Variants in FRMD4A observed in about 807,000 individuals in gnomAD.
The protein encoded by FRMD4A is FERM domain-containing protein 4A.
A neutral mutation model predicts 129.1 loss-of-function variants in FRMD4A; 29 were observed. The observed-to-expected ratio is 0.22, with a 90% CI of 0.17 to 0.31. FRMD4A has a LOEUF of 0.31. Ranked by LOEUF, FRMD4A falls within the 10% of genes least tolerant of loss-of-function variation. The probability of loss-of-function intolerance (pLI) is 1.00; values close to 1 mark genes in which losing one functional copy is unlikely to be tolerated. For synonymous variants in FRMD4A, 634 were observed against 571.6 expected (o/e 1.11, Z -1.56); for missense variants, 1,272 against 1,375.8 (o/e 0.92, Z 1.19).
intron 2 of FRMD4A, among the ~76,000 whole-genome samples, chr10:14,129,939 A>G (rs554708117): frequency 6.6e-6 from 1 of 152,238 alleles, no homozygotes; most frequent in East Asian, 1.9e-4. Context: ...GAGATGTTCC[A>G]TTCCCTCTTC....
chr10:13,943,880 G>C (rs1383582244), intron 2 of FRMD4A, among the ~76,000 whole-genome samples: 1 of 152,116 alleles, frequency 6.6e-6, no homozygotes, highest in Non-Finnish European at 1.5e-5. Context: ...TGACTCAGAT[G>C]AACTGGAGCA....
In FRMD4A at chr10:13,741,978, T is replaced by C. The variant is rs542133937; in HGVS notation, c.549-1401A>G. 1.6e-4 allele frequency among the ~76,000 whole-genome samples: 24 copies of C among 152,298 alleles called. 1 individual carries two copies. Among genetic ancestry groups the C allele is most frequent in the Middle Eastern group, 3.4e-3 (1 of 294 alleles). ...TTAAAGCAATTCTTGTGCCTCAGCC[T>C]CCTGAGTAGCTGGGATTACAGGTGT... On this transcript the variant is annotated intron_variant, in intron 9 of 24. Transcript: ENST00000357447.
At position 13,886,801 on chromosome 10, in the gene FRMD4A, C is replaced by A. The variant is rs574599677; in HGVS notation, c.46-27889G>T. Among the ~76,000 whole-genome samples the A allele has an allele frequency of 8.5e-5, 13 of 152,302 alleles. No homozygotes were observed. The South Asian group carries it at 2.5e-3, about 29-fold the overall frequency. On this transcript the variant is annotated intron_variant, in intron 2 of 24. Transcript: ENST00000357447. ...ATCCATGTTGGAGTGCGGTCTGCTA[C>A]ACTCACTCAGCGATTTGCTTATACA...
chr10:14,328,617 T>A (rs1047603771), intron 2 of FRMD4A, among the ~76,000 whole-genome samples: 2 of 134,412 alleles, frequency 1.5e-5, no homozygotes, highest in African/African-American at 6.0e-5. Context: ...TAATATAATA[T>A]ACATATGCAT....
At chr10:14,014,184 T>C (rs566580429) in intron 2 of FRMD4A, among the ~76,000 whole-genome samples, 2 of 152,282 alleles carry the variant, frequency 1.3e-5, no homozygotes, top group African/African-American at 4.8e-5. Flanking sequence ...AACCGTCGCT[T>C]TGATGGAAGT....
At chr10:14,147,314 A>G (rs1441914531) in intron 2 of FRMD4A, among the ~76,000 whole-genome samples, 1 of 152,128 alleles carries the variant, frequency 6.6e-6, no homozygotes, top group Non-Finnish European at 1.5e-5. Context: ...GCCAAATGGT[A>G]TCTGCAGGCC....
At chr10:14,309,979 C>T (rs906213001) in intron 2 of FRMD4A, among the ~76,000 whole-genome samples, 2 of 151,912 alleles carry the variant, frequency 1.3e-5, no homozygotes, top group African/African-American at 2.4e-5. Flanking sequence ...CAAGACTGGC[C>T]GTTCTTCCAG....
intron 2 of FRMD4A, among the ~76,000 whole-genome samples, chr10:14,294,516 T>C (rs564276348): frequency 1.2e-3 from 178 of 152,350 alleles, no homozygotes; most frequent in African/African-American, 4.1e-3. Context: ...GTTATTATTA[T>C]GCTCTCTTCA....
intron 12 of FRMD4A, among the ~76,000 whole-genome samples, chr10:13,725,301 C>A (rs1165654033): frequency 1.3e-5 from 2 of 152,200 alleles, no homozygotes; most frequent in Non-Finnish European, 2.9e-5. Context: ...GGCAGGCGTG[C>A]AGCACCCCAA....
chr10:13,704,501 C>T (rs2087209128), intron 13 of FRMD4A, among the ~76,000 whole-genome samples: 1 of 152,138 alleles, frequency 6.6e-6, no homozygotes, highest in Admixed American at 6.5e-5. Context: ...CCCCCTGAGG[C>T]CCTACCACGT....
At chr10:13,749,520 C>T (rs968852899) in intron 8 of FRMD4A, among the ~76,000 whole-genome samples, 7 of 152,022 alleles carry the variant, frequency 4.6e-5, no homozygotes, top group African/African-American at 1.2e-4. Flanking sequence ...GTGTCCCCGG[C>T]GAGAAATACA....
intron 12 of FRMD4A, among the ~76,000 whole-genome samples, chr10:13,722,226 T>TC (rs1174836312): frequency 1.4e-5 from 2 of 146,154 alleles, no homozygotes; most frequent in East Asian, 2.0e-4. Flanking sequence ...TGGCCAGGGC[T>TC]CTTTTTTTTT....
intron 5 of FRMD4A, among the ~76,000 whole-genome samples, chr10:13,783,873 T>C (rs1270141241): frequency 6.6e-6 from 1 of 152,220 alleles, no homozygotes; most frequent in Admixed American, 6.5e-5. Context: ...ATTTTCAAGA[T>C]GAAACATGCT....
intron 2 of FRMD4A, among the ~76,000 whole-genome samples, chr10:14,206,809 C>CAAAAAA (rs57029013): frequency 1.4e-4 from 6 of 43,062 alleles, no homozygotes; most frequent in East Asian, 1.6e-3. Flanking sequence ...GACGCTATCT[C>CAAAAAA]AAAAAAAAAA....
At chr10:13,949,585 C>T (rs1221020715) in intron 2 of FRMD4A, among the ~76,000 whole-genome samples, 1 of 152,168 alleles carries the variant, frequency 6.6e-6, no homozygotes, top group Non-Finnish European at 1.5e-5. Flanking sequence ...ATATGGAAGA[C>T]CAGAATTGAT....
At chr10:13,694,684 AC>A (rs1307600750) in intron 14 of FRMD4A, among the ~76,000 whole-genome samples, 1 of 152,184 alleles carries the variant, frequency 6.6e-6, no homozygotes, top group Non-Finnish European at 1.5e-5. Context: ...TCCCATCTAT[AC>A]AAAAAAATTA....
At chr10:14,012,256 G>A (rs1221982645) in intron 2 of FRMD4A, among the ~76,000 whole-genome samples, 3 of 152,096 alleles carry the variant, frequency 2.0e-5, no homozygotes, top group South Asian at 2.1e-4. Context: ...TAGACTCTCC[G>A]AAGCTGCTGC....
chr10:13,910,312 GA>G (rs909791867), intron 2 of FRMD4A, among the ~76,000 whole-genome samples: 34 of 152,320 alleles, frequency 2.2e-4, no homozygotes, highest in African/African-American at 7.7e-4. Flanking sequence ...AGAGCAGGTG[GA>G]TCAAAGCTGA....
intron 2 of FRMD4A, among the ~76,000 whole-genome samples, chr10:14,325,699 C>T (rs1843246427): frequency 1.3e-5 from 2 of 152,252 alleles, no homozygotes; most frequent in Admixed American, 1.3e-4. Context: ...AAGCCAGTCA[C>T]TGCCTTGTAC....
Sources: allele counts gnomAD v4.1 joint callset (sites outside exome capture counted in the v4.1 genomes callset), GRCh38; gene constraint gnomAD v4.1.1; transcripts MANE v1.5; gene names NCBI Gene and HGNC (gene_info 2026-07-23, HGNC 2026-07-21).